Variants in ZMYND8 observed in about 807,000 individuals in gnomAD.
ZMYND8 encodes the protein MYND-type zinc finger-containing chromatin reader ZMYND8.
A neutral mutation model predicts 140.8 loss-of-function variants in ZMYND8; 37 were observed. That is an observed-to-expected ratio of 0.26 (90% CI 0.20 to 0.35). The LOEUF (loss-of-function observed/expected upper bound fraction) is 0.35. Among genes scored for constraint, ZMYND8 ranks in the 10% least tolerant of loss-of-function variants. The probability of loss-of-function intolerance (pLI) is 1.00; values close to 1 mark genes in which losing one functional copy is unlikely to be tolerated. For synonymous variants in ZMYND8, 592 were observed against 597.1 expected (o/e 0.99, Z 0.12); for missense variants, 1,068 against 1,570.0 (o/e 0.68, Z 5.40).
intron 14 of ZMYND8, among the ~76,000 whole-genome samples, chr20:47,241,672 G>GCC (rs2039986566): frequency 6.6e-6 from 1 of 152,046 alleles, no homozygotes; most frequent in Admixed American, 6.6e-5. Context: ...ACAGGCCTCA[G>GCC]CCCCCGGTAA....
At chr20:47,319,009 C>T in intron 2 of ZMYND8, 1 of 1,351,322 alleles carries the variant, frequency 7.4e-7, no homozygotes. Flanking sequence ...CAAAAGAGAA[C>T]AGAGGCTCAC....
At chr20:47,221,191 C>T in intron 20 of ZMYND8, 123 bp downstream of exon 20, 2 of 1,344,072 alleles carry the variant, frequency 1.5e-6, no homozygotes, top group Non-Finnish European at 2.0e-6. Flanking sequence ...ACTGGAAATG[C>T]CGGCACACTG....
At position 47,249,291 on chromosome 20, in the gene ZMYND8, T is replaced by A. The variant is rs1413007662; in HGVS notation, c.1770A>T (p.Gln590His). ...AAAACAAAACCAAAGGTATACCTAA[T>A]TGTGCTTTGCAACTCTCTATGGTCT... ...LDKTIESCKA[Q>H]LGINEISEDV... The change falls in exon 13 of 23, where the codon CAA (glutamine) becomes CAT (histidine). Residue 590 changes from glutamine to histidine, a missense_variant. Gln to His is a conservative substitution (Grantham distance 24). This residue lies in a region of ZMYND8 where 5 missense variants were observed against 26.9 expected (regional missense o/e 0.19). Transcript: ENST00000471951. 6.2e-7 allele frequency: 1 copy of A among 1,613,042 alleles called. No individual in the cohort carries two copies. Among genetic ancestry groups the A allele is most frequent in the Non-Finnish European group, 8.5e-7 (1 of 1,179,742 alleles).
chr20:47,354,815 T>C lies in ZMYND8; in HGVS notation c.14+1842A>G, dbSNP rs575894161. ...GTACTGCTAAACAAGACTCTACTTT[T>C]CCCACTTAACTTCTAGCTGCAGCCT... is the stretch of plus-strand genomic sequence containing the variant. On this transcript the variant is annotated intron_variant, in intron 1 of 22. Coordinates refer to ENST00000471951, the MANE Select transcript of ZMYND8 (RefSeq NM_001281775.3). Among the ~76,000 whole-genome samples, 3 of 152,290 alleles carry C rather than the reference T, an allele frequency of 2.0e-5. No homozygotes were observed. The South Asian group carries it at 6.2e-4, about 32-fold the overall frequency.
intron 2 of ZMYND8, among the ~76,000 whole-genome samples, chr20:47,315,323 C>CTGT (rs2148284040): frequency 6.6e-6 from 1 of 152,292 alleles, no homozygotes; most frequent in Admixed American, 6.5e-5. Context: ...ATTCTGTTTG[C>CTGT]TGTTACAAAC....
chr20:47,256,216 A>G lies in ZMYND8; in HGVS notation c.1621+6072T>C, dbSNP rs1199987913. Among the ~76,000 whole-genome samples the G allele has an allele frequency of 2.6e-5, 4 of 151,736 alleles. No homozygotes were observed. In the East Asian group the frequency reaches 5.8e-4, roughly 22 times the overall value. ...CCTAGCTGGCCAGGCATGGTGGCTC[A>G]TGCCTGTAATCCCAGCACTTTGGGA... On this transcript the variant is annotated intron_variant, in intron 12 of 22. Transcript: ENST00000471951.
chr20:47,319,842 C>G (rs978226074), intron 2 of ZMYND8: 1 of 152,238 alleles, frequency 6.6e-6, no homozygotes, highest in African/African-American at 2.4e-5. Flanking sequence ...CCTGTGAGAA[C>G]GCACTGCCCA....
chr20:47,241,678 G>A (rs191103777), intron 14 of ZMYND8, among the ~76,000 whole-genome samples: 223 of 152,112 alleles, frequency 1.5e-3, no homozygotes, highest in African/African-American at 4.8e-3. Flanking sequence ...CTCAGCCCCC[G>A]GTAAGGTGAG....
At chr20:47,283,772 G>C (rs1281863222) in intron 8 of ZMYND8, 124 bp from the exon 9 acceptor site, 2 of 909,848 alleles carry the variant, frequency 2.2e-6, no homozygotes, top group African/African-American at 3.3e-5. Context: ...ACACCTTGGA[G>C]ATGAATCCAA....
At chr20:47,315,549 G>A (rs1168515650) in intron 2 of ZMYND8, among the ~76,000 whole-genome samples, 6 of 152,090 alleles carry the variant, frequency 3.9e-5, no homozygotes, top group African/African-American at 1.4e-4. Flanking sequence ...ACTCCAGTGG[G>A]GGCTGGGCCT....
At chr20:47,328,576 G>A (rs1191135888) in intron 2 of ZMYND8, among the ~76,000 whole-genome samples, 1 of 152,048 alleles carries the variant, frequency 6.6e-6, no homozygotes, top group Non-Finnish European at 1.5e-5. Context: ...CGATTCTCCT[G>A]CCTCAGCCTC....
chr20:47,286,035 AT>A lies in ZMYND8; in HGVS notation c.804+1193del, dbSNP rs1473155752. On this transcript the variant is annotated intron_variant, in intron 8 of 22. Coordinates refer to ENST00000471951, the MANE Select transcript of ZMYND8 (RefSeq NM_001281775.3). ...GCAAAACCCCATTTCTACAAAAAAA[AT>A]AATAATAATTAATTTAAAAAGAAAT... Among the ~76,000 whole-genome samples, 20 of 152,196 alleles carry A rather than the reference AT, an allele frequency of 1.3e-4. No individual in the cohort carries two copies. In the East Asian group the frequency reaches 1.3e-3, roughly 10 times the overall value.
At position 47,210,238 on chromosome 20, in the gene ZMYND8, G is replaced by A. The variant is rs2035054507; in HGVS notation, c.*523C>T. On this transcript the variant is annotated 3_prime_UTR_variant, in exon 23 of 23. Transcript: ENST00000471951. The stretch of plus-strand genomic sequence containing the variant: ...CCGAAACTCCCGATCCCAACATGCT[G>A]CGTACAGACACACGAGCGAAAACGG... The A allele has an allele frequency of 6.4e-6, 1 of 155,344 alleles. No individual in the cohort carries two copies. Among genetic ancestry groups the A allele is most frequent in the Non-Finnish European group, 1.4e-5 (1 of 69,808 alleles). The allele number at this position is 155,344 out of a possible 1,614,324, so 9.6% of individuals were successfully genotyped here.
At chr20:47,290,331 T>C in intron 6 of ZMYND8, 57 bp from the exon 7 acceptor site, 1 of 1,476,350 alleles carries the variant, frequency 6.8e-7, no homozygotes, top group Non-Finnish European at 9.4e-7. Flanking sequence ...CCACAGTCAG[T>C]GACTCTTGTG....
intron 14 of ZMYND8, 79 bp downstream of exon 14, chr20:47,245,927 TCA>T: frequency 1.3e-6 from 2 of 1,510,072 alleles, no homozygotes; most frequent in South Asian, 2.7e-5. Flanking sequence ...TCTTTAAGGG[TCA>T]CATAACTTTT....
At chr20:47,270,994 G>A (rs1021921505) in intron 11 of ZMYND8, among the ~76,000 whole-genome samples, 5 of 151,900 alleles carry the variant, frequency 3.3e-5, no homozygotes, top group Non-Finnish European at 7.4e-5. Flanking sequence ...GGAGAATGGC[G>A]TGAACCCAGG....
intron 2 of ZMYND8, among the ~76,000 whole-genome samples, chr20:47,341,675 C>A (rs928220910): frequency 7.2e-5 from 11 of 151,998 alleles, no homozygotes; most frequent in Admixed American, 6.5e-5. Flanking sequence ...TCCAGACCAG[C>A]CTGGCCAACA....
intron 21 of ZMYND8, among the ~76,000 whole-genome samples, chr20:47,216,544 A>G (rs796768730): frequency 5.5e-5 from 8 of 145,774 alleles, no homozygotes; most frequent in African/African-American, 2.1e-4. Context: ...TAGTGGCTCA[A>G]GCTTGTAATC....
intron 10 of ZMYND8, among the ~76,000 whole-genome samples, chr20:47,277,484 C>G (rs1258049911): frequency 3.3e-5 from 5 of 152,290 alleles, no homozygotes; most frequent in African/African-American, 1.2e-4. Flanking sequence ...ACACCACAAC[C>G]GCTGCTGCGG....
Sources: allele counts gnomAD v4.1 joint callset (sites outside exome capture counted in the v4.1 genomes callset), GRCh38; gene constraint gnomAD v4.1.1; regional missense constraint gnomAD v4.1.1; transcripts MANE v1.5; gene names NCBI Gene and HGNC (gene_info 2026-07-23, HGNC 2026-07-21).